Variants in SLC35F1 observed in about 807,000 individuals in gnomAD.
The protein encoded by SLC35F1 is solute carrier family 35 member F1.
A neutral mutation model predicts 48.7 loss-of-function variants in SLC35F1; 14 were observed. The ratio of observed to expected loss-of-function variants is 0.29; its 90% CI spans 0.19 to 0.45. The LOEUF is 0.45. Ranked by LOEUF, SLC35F1 falls within the 20% of genes least tolerant of loss-of-function variation. The probability of loss-of-function intolerance (pLI) is 1.00; values close to 1 mark genes in which losing one functional copy is unlikely to be tolerated. For missense variants in SLC35F1, 404 were observed against 500.0 expected, an observed-to-expected ratio of 0.81 and a Z score of 1.83; for synonymous variants, 190 against 202.2, an observed-to-expected ratio of 0.94 and a Z score of 0.51.
At chr6:118,115,733 C>A (rs1363934940) in intron 1 of SLC35F1, among the ~76,000 whole-genome samples, 4 of 152,152 alleles carry the variant, frequency 2.6e-5, no homozygotes, top group African/African-American at 7.2e-5. Flanking sequence ...GAAACTTGAA[C>A]AAGTGACCCT....
At chr6:117,909,737 C>T (rs1398773266) in intron 1 of SLC35F1, among the ~76,000 whole-genome samples, 1 of 151,884 alleles carries the variant, frequency 6.6e-6, no homozygotes, top group Non-Finnish European at 1.5e-5. Context: ...CATTTTTTTT[C>T]TAAGGTAAGC....
intron 1 of SLC35F1, among the ~76,000 whole-genome samples, chr6:118,146,683 C>T (rs905257830): frequency 1.3e-5 from 2 of 152,024 alleles, no homozygotes; most frequent in African/African-American, 4.8e-5. Flanking sequence ...TTCATGCTCC[C>T]TCTAAACTTC....
intron 2 of SLC35F1, among the ~76,000 whole-genome samples, chr6:118,199,703 T>A (rs1214605673): frequency 1.3e-5 from 2 of 152,122 alleles, no homozygotes; most frequent in South Asian, 4.1e-4. Context: ...TACAGGGAAA[T>A]AATCAATGCA....
intron 1 of SLC35F1, among the ~76,000 whole-genome samples, chr6:118,028,922 GA>G (rs1325753180): frequency 6.6e-6 from 1 of 151,984 alleles, no homozygotes; most frequent in African/African-American, 2.4e-5. Flanking sequence ...GATCATTATA[GA>G]AATGAAAGCT....
intron 7 of SLC35F1, among the ~76,000 whole-genome samples, chr6:118,312,984 T>C (rs1304226007): frequency 1.3e-5 from 2 of 152,142 alleles, no homozygotes; most frequent in African/African-American, 4.8e-5. Flanking sequence ...TTGACTGAAA[T>C]GAGATTTGGC....
intron 1 of SLC35F1, among the ~76,000 whole-genome samples, chr6:118,123,101 CT>C (rs10667361): frequency 1.1e-3 from 165 of 151,640 alleles, no homozygotes; most frequent in African/African-American, 3.3e-3. Context: ...CTCAAAAGCC[CT>C]TTTTTTTGTA....
chr6:118,074,036 C>T (rs1476029146), intron 1 of SLC35F1, among the ~76,000 whole-genome samples: 1 of 152,136 alleles, frequency 6.6e-6, no homozygotes, highest in Non-Finnish European at 1.5e-5. Context: ...ATTACTTTAG[C>T]TTTTCCCTAT....
chr6:117,970,139 G>A (rs988759906), intron 1 of SLC35F1, among the ~76,000 whole-genome samples: 4 of 152,176 alleles, frequency 2.6e-5, no homozygotes, highest in African/African-American at 9.7e-5. Context: ...GATTGAATGG[G>A]GTACTATAAC....
chr6:117,932,155 T>C (rs1020507997), intron 1 of SLC35F1, among the ~76,000 whole-genome samples: 5 of 152,158 alleles, frequency 3.3e-5, no homozygotes, highest in African/African-American at 1.2e-4. Context: ...CGCAGCAAAA[T>C]GCACCATCTT....
chr6:117,916,644 G>T (rs1175660846), intron 1 of SLC35F1, among the ~76,000 whole-genome samples: 7 of 152,340 alleles, frequency 4.6e-5, no homozygotes, highest in African/African-American at 1.4e-4. Flanking sequence ...GGAATGTGAG[G>T]CAGGGAAACT....
intron 2 of SLC35F1, among the ~76,000 whole-genome samples, chr6:118,181,783 G>T (rs1216454162): frequency 6.6e-6 from 1 of 152,034 alleles, no homozygotes; most frequent in Non-Finnish European, 1.5e-5. Context: ...CAAAAAGAGA[G>T]CTACTTTAGA....
intron 1 of SLC35F1, among the ~76,000 whole-genome samples, chr6:118,109,278 T>A (rs751355646): frequency 3.7e-4 from 57 of 152,212 alleles, no homozygotes; most frequent in Non-Finnish European, 4.6e-4. Flanking sequence ...TAAAGGTTTA[T>A]AATTATGCCA....
intron 1 of SLC35F1, among the ~76,000 whole-genome samples, chr6:117,944,241 A>C (rs1172296472): frequency 6.6e-6 from 1 of 152,158 alleles, no homozygotes; most frequent in Non-Finnish European, 1.5e-5. Context: ...GTTTGCTATC[A>C]GTTTGCTTAC....
chr6:118,275,298 G>C (rs1469139126), intron 4 of SLC35F1, among the ~76,000 whole-genome samples, 161 bp from the exon 5 acceptor site: 2 of 152,114 alleles, frequency 1.3e-5, no homozygotes, highest in African/African-American at 4.8e-5. Context: ...AACGTGTCTA[G>C]AGCACAGATA....
intron 1 of SLC35F1, among the ~76,000 whole-genome samples, chr6:118,092,441 A>G (rs1482655131): frequency 3.3e-5 from 5 of 152,240 alleles, no homozygotes; most frequent in Non-Finnish European, 7.3e-5. Flanking sequence ...GCCCTCATGG[A>G]GAACCTCTGC....
chr6:118,058,487 C>T (rs545923121), intron 1 of SLC35F1, among the ~76,000 whole-genome samples: 1 of 152,018 alleles, frequency 6.6e-6, no homozygotes, highest in Non-Finnish European at 1.5e-5. Flanking sequence ...TTTCTGTATA[C>T]CACCTTGAGA....
chr6:118,144,297 T>C (rs1210712948), intron 1 of SLC35F1, among the ~76,000 whole-genome samples: 9 of 152,122 alleles, frequency 5.9e-5, no homozygotes, highest in Admixed American at 3.3e-4. Flanking sequence ...GGGACATGGA[T>C]GAAGCTAGAA....
At chr6:118,313,603 C>T (rs541551820) in intron 7 of SLC35F1, among the ~76,000 whole-genome samples, 5 of 152,262 alleles carry the variant, frequency 3.3e-5, no homozygotes, top group African/African-American at 1.2e-4. Flanking sequence ...TGTCAGTGAG[C>T]GGTTCATTGT....
In SLC35F1 at chr6:117,907,914, CGGGCGAGGGCGCGGG is replaced by C; in HGVS notation, c.173+21_173+35del. On this transcript the variant is annotated intron_variant, in intron 1 of 7. Transcript: ENST00000360388. ...GTGCTGAACAGGTGAGCGGCGGCGC[CGGGCGAGGGCGCGGG>C]GGGCGGGGGCTGCGGGCGCCCGGCT... The C allele has an allele frequency of 7.6e-7, 1 of 1,311,958 alleles. No homozygotes were observed. The allele number at this position is 1,311,958 out of a possible 1,614,324, so 81.3% of individuals were successfully genotyped here. A position where few individuals can be genotyped will look rare whatever the true frequency, so the allele number is the denominator to read the frequency against.
Sources: allele counts gnomAD v4.1 joint callset (sites outside exome capture counted in the v4.1 genomes callset), GRCh38; gene constraint gnomAD v4.1.1; transcripts MANE v1.5; gene names NCBI Gene and HGNC (gene_info 2026-07-23, HGNC 2026-07-21).